PRKCE: variants seen among roughly 807,000 people sequenced by gnomAD.
PRKCE encodes protein kinase C epsilon type.
A neutral mutation model predicts 85.4 loss-of-function variants in PRKCE; 16 were observed. The ratio of observed to expected loss-of-function variants is 0.19; its 90% CI spans 0.13 to 0.28. The LOEUF (loss-of-function observed/expected upper bound fraction) is 0.28, where lower values mean the gene tolerates loss of function less well. Ranked by LOEUF, PRKCE falls within the 10% of genes least tolerant of loss-of-function variation. The probability of loss-of-function intolerance (pLI) is 1.00; values close to 1 mark genes in which losing one functional copy is unlikely to be tolerated. For synonymous variants in PRKCE, 388 were observed against 371.5 expected (o/e 1.04, Z -0.51); for missense variants, 573 against 975.2 (o/e 0.59, Z 5.49).
intron 1 of PRKCE, among the ~76,000 whole-genome samples, chr2:45,744,465 CTTT>C (rs1682904576): frequency 1.1e-4 from 6 of 54,080 alleles, no homozygotes; most frequent in African/African-American, 4.2e-4. Context: ...TTCTTTCTTT[CTTT>C]CTTTCTTTCT....
chr2:45,883,725 C>T (rs974618755), intron 2 of PRKCE, among the ~76,000 whole-genome samples: 3 of 152,194 alleles, frequency 2.0e-5, no homozygotes, highest in Non-Finnish European at 4.4e-5. Flanking sequence ...AGAGGTTGTC[C>T]TCCCCGCCTG....
At chr2:46,017,574 G>T (rs1286422591) in intron 10 of PRKCE, among the ~76,000 whole-genome samples, 1 of 152,148 alleles carries the variant, frequency 6.6e-6, no homozygotes, top group African/African-American at 2.4e-5. Context: ...CCTAGAAGTG[G>T]GATTCCTGGA....
chr2:45,733,480 G>C, intron 1 of PRKCE, among the ~76,000 whole-genome samples: 1 of 152,180 alleles, frequency 6.6e-6, no homozygotes, highest in African/African-American at 2.4e-5. Flanking sequence ...TATGTGATAA[G>C]ATGATAAAGG....
chr2:45,784,009 A>G (rs1268140794), intron 1 of PRKCE, among the ~76,000 whole-genome samples: 1 of 152,254 alleles, frequency 6.6e-6, no homozygotes, highest in Non-Finnish European at 1.5e-5. Flanking sequence ...GTTCAGTCAC[A>G]CACACACTCA....
rs548307302 is a variant in PRKCE, at chr2:46,187,431, C to A, written c.*2550C>A. 6.5e-6 allele frequency: 1 copy of A among 152,730 alleles called. No homozygotes were observed. Among genetic ancestry groups the A allele is most frequent in the Admixed American group, 6.5e-5 (1 of 15,300 alleles). The allele number at this position is 152,730 out of a possible 1,614,324, so 9.5% of individuals were successfully genotyped here. A position where few individuals can be genotyped will look rare whatever the true frequency, so the allele number is the denominator to read the frequency against. ...TCCAGCAAAGGTCTATAGAAAAAGG[C>A]TTGCGTGTTCGTTGAGTAATCATTG... On this transcript the variant is annotated 3_prime_UTR_variant, in exon 15 of 15. Coordinates refer to ENST00000306156, the MANE Select transcript of PRKCE (RefSeq NM_005400.3).
chr2:45,967,838 G>A (rs1426561611), intron 2 of PRKCE, among the ~76,000 whole-genome samples: 1 of 152,106 alleles, frequency 6.6e-6, no homozygotes, highest in Non-Finnish European at 1.5e-5. Flanking sequence ...TAAATGACTT[G>A]TTCAAGGATA....
chr2:45,752,758 G>T (rs1207394486), intron 1 of PRKCE, among the ~76,000 whole-genome samples: 4 of 152,170 alleles, frequency 2.6e-5, no homozygotes, highest in Non-Finnish European at 5.9e-5. Flanking sequence ...CCCTGACCTA[G>T]GTACCTACCT....
intron 11 of PRKCE, among the ~76,000 whole-genome samples, chr2:46,096,600 A>G (rs549509119): frequency 1.3e-5 from 2 of 152,312 alleles, no homozygotes; most frequent in South Asian, 4.1e-4. Context: ...CTGGGAGAAT[A>G]CAGCCTTCTG....
chr2:46,157,040 C>G, intron 13 of PRKCE, among the ~76,000 whole-genome samples: 1 of 152,160 alleles, frequency 6.6e-6, no homozygotes, highest in East Asian at 1.9e-4. Flanking sequence ...CTTGCTTTTT[C>G]TACTCAGTGA....
rs971971357 is a variant in PRKCE at position 46,155,468 on chromosome 2, G to A, written c.1921-4138G>A. 2.6e-5 allele frequency among the ~76,000 whole-genome samples: 4 copies of A among 152,040 alleles called. No homozygotes were observed. The highest frequency in any genetic ancestry group is 5.9e-5 in the Non-Finnish European group (4 of 68,004). On this transcript the variant is annotated intron_variant, in intron 13 of 14. Transcript: ENST00000306156. This position sits in a 1 kb window ranked among gnomAD's most constrained non-coding sequence, Gnocchi z 4.7. Reference sequence around the variant, plus strand: ...GGTACCCTGTGCTCTCCCCTGCACAGCACTCTCCCACTTCCCACCCTGCAC... The same window carrying A: ...GGTACCCTGTGCTCTCCCCTGCACAACACTCTCCCACTTCCCACCCTGCAC...
intron 1 of PRKCE, among the ~76,000 whole-genome samples, chr2:45,812,946 A>C (rs544347015): frequency 1.3e-5 from 2 of 152,366 alleles, no homozygotes; most frequent in South Asian, 4.1e-4. Context: ...AAGCTTTGAC[A>C]GGTTAAGAAG....
chr2:45,813,832 CA>C (rs1287168748), intron 1 of PRKCE, among the ~76,000 whole-genome samples: 3 of 152,240 alleles, frequency 2.0e-5, no homozygotes, highest in African/African-American at 7.2e-5. Context: ...GTGCCCAACA[CA>C]GCCCACAGGG....
Position 46,159,602 on chromosome 2 carries a change from G to A in PRKCE, c.1921-4G>A. 6.3e-7 allele frequency: 1 copy of A among 1,592,500 alleles called. No individual in the cohort carries two copies. Among genetic ancestry groups the A allele is most frequent in the South Asian group, 1.1e-5 (1 of 89,804 alleles). On this transcript the variant is annotated splice_region_variant and splice_polypyrimidine_tract_variant and intron_variant, in intron 13 of 14. Transcript: ENST00000306156. The surrounding 1 kb of genome is among the most constrained non-coding windows in gnomAD (Gnocchi z 4.1). ...TAATTCCGACTCTGTCCTCATCCCT[G>A]CAGTTCATGACGAAGAATCCCCACA... is the stretch of plus-strand genomic sequence containing the variant.
intron 13 of PRKCE, among the ~76,000 whole-genome samples, chr2:46,153,829 C>G (rs1380954854): frequency 2.1e-5 from 3 of 141,266 alleles, no homozygotes; most frequent in Admixed American, 7.5e-5. Context: ...CTCTGTCACC[C>G]AGGCTGGAGT....
intron 2 of PRKCE, among the ~76,000 whole-genome samples, chr2:45,967,705 T>C (rs1701826615): frequency 6.6e-6 from 1 of 152,200 alleles, no homozygotes; most frequent in South Asian, 2.1e-4. Context: ...TTTTTCTTTT[T>C]TTCTTTTTGC....
intron 2 of PRKCE, among the ~76,000 whole-genome samples, chr2:45,910,915 G>A (rs1379449701): frequency 6.6e-6 from 1 of 152,326 alleles, no homozygotes; most frequent in Non-Finnish European, 1.5e-5. Context: ...AGAGCGTGCC[G>A]TGGCAAGTTT....
intron 2 of PRKCE, among the ~76,000 whole-genome samples, chr2:45,955,742 G>T (rs745808934): frequency 1.3e-5 from 2 of 152,008 alleles, no homozygotes; most frequent in Admixed American, 6.6e-5. Flanking sequence ...ATCTTTAGTA[G>T]CTCCTGACAC....
intron 2 of PRKCE, among the ~76,000 whole-genome samples, chr2:45,873,492 C>G (rs1442767438): frequency 1.3e-5 from 2 of 151,648 alleles, no homozygotes; most frequent in African/African-American, 4.8e-5. Flanking sequence ...AAACCTGAGT[C>G]CTTCACCACA....
chr2:45,739,690 G>A (rs1009711036), intron 1 of PRKCE, among the ~76,000 whole-genome samples: 14 of 152,248 alleles, frequency 9.2e-5, no homozygotes, highest in African/African-American at 3.4e-4. Flanking sequence ...TGCCAGGAGT[G>A]GGGTGGGGGT....
Sources: gnomAD v4.1 joint callset for allele counts (sites outside exome capture counted in the v4.1 genomes callset) on GRCh38, gnomAD v4.1.1 for gene constraint, Gnocchi (gnomAD v3.1) non-coding constraint, MANE v1.5 for transcripts, NCBI Gene and HGNC (gene_info 2026-07-23, HGNC 2026-07-21) for gene names.